The following TENM3 variants were observed in gnomAD, a reference collection of about 807,000 sequenced individuals.
TENM3 encodes teneurin-3.
In TENM3, 63 loss-of-function variants were observed where a neutral mutation model predicts 255.1. The observed-to-expected ratio is 0.25, with a 90% CI of 0.20 to 0.30. The LOEUF is 0.30. Ranked by LOEUF, TENM3 falls within the 10% of genes least tolerant of loss-of-function variation. TENM3 has a pLI of 1.00. For missense variants in TENM3, 2,929 were observed against 3,461.1 expected (o/e 0.85, Z 3.86); for synonymous variants, 1,306 against 1,322.3 (o/e 0.99, Z 0.27).
chr4:181,682,238 A>G, the TENM3 span, among the ~76,000 whole-genome samples: 6 of 152,178 alleles, frequency 3.9e-5, no homozygotes, highest in African/African-American at 1.4e-4. Context: ...TGTTTATATC[A>G]TCGAACGCAA....
the TENM3 span, among the ~76,000 whole-genome samples, chr4:181,675,580 C>T: frequency 6.6e-6 from 1 of 152,060 alleles, no homozygotes; most frequent in Admixed American, 6.6e-5. Context: ...CTCACTAGGC[C>T]AGGTACTATG....
the TENM3 span, among the ~76,000 whole-genome samples, chr4:181,770,588 T>A: frequency 7.0e-6 from 1 of 143,492 alleles, no homozygotes; most frequent in African/African-American, 2.6e-5. Flanking sequence ...GGTAGGAGAA[T>A]GGCATGAACC....
the TENM3 span, among the ~76,000 whole-genome samples, chr4:181,453,005 C>T: frequency 2.0e-5 from 3 of 152,072 alleles, no homozygotes; most frequent in Admixed American, 2.0e-4. Context: ...TGTGATTGCC[C>T]AGCACTACTG....
At chr4:181,934,104 T>TA in the TENM3 span, among the ~76,000 whole-genome samples, 1 of 151,550 alleles carries the variant, frequency 6.6e-6, no homozygotes, top group East Asian at 1.9e-4. Flanking sequence ...CACTTAAACA[T>TA]ACATAGGAAT....
At chr4:182,655,393 G>T (rs1753668714) in intron 6 of TENM3, among the ~76,000 whole-genome samples, 1 of 152,052 alleles carries the variant, frequency 6.6e-6, no homozygotes, top group African/African-American at 2.4e-5. Flanking sequence ...TGATTAAAAT[G>T]AAAATAGAGT....
At chr4:182,531,038 GA>G (rs1267832697) in intron 3 of TENM3, among the ~76,000 whole-genome samples, 4 of 152,144 alleles carry the variant, frequency 2.6e-5, no homozygotes, top group Non-Finnish European at 5.9e-5. Context: ...AGAGAGTGTA[GA>G]TGGAGGAGAA....
At chr4:182,635,732 A>G (rs35791677) in intron 5 of TENM3, among the ~76,000 whole-genome samples, 42,131 of 152,122 alleles carry the variant, frequency 0.28, 6,947 homozygotes, top group Non-Finnish European at 0.38. Flanking sequence ...GTTTAACAAC[A>G]TAAGCATTCC....
intron 3 of TENM3, among the ~76,000 whole-genome samples, chr4:182,565,670 T>C (rs2151992416): frequency 6.6e-6 from 1 of 152,326 alleles, no homozygotes; most frequent in South Asian, 2.1e-4. Context: ...GTATCCAGAT[T>C]TCTCTTTATT....
chr4:182,388,869 C>A (rs1277133146), intron 3 of TENM3, among the ~76,000 whole-genome samples: 3 of 152,146 alleles, frequency 2.0e-5, no homozygotes. Flanking sequence ...GTTGGCTCTG[C>A]AACAAGAGCA....
the TENM3 span, among the ~76,000 whole-genome samples, chr4:181,971,697 C>G: frequency 1.3e-5 from 2 of 151,908 alleles, no homozygotes; most frequent in Non-Finnish European, 2.9e-5. Context: ...CTCTCTAGTA[C>G]GTAGGACCAC....
chr4:181,584,392 G>A, the TENM3 span, among the ~76,000 whole-genome samples: 5 of 152,164 alleles, frequency 3.3e-5, no homozygotes, highest in Non-Finnish European at 5.9e-5. Flanking sequence ...TAACTGTCCA[G>A]AGTGGCCTCC....
the TENM3 span, among the ~76,000 whole-genome samples, chr4:181,844,261 T>G: frequency 6.6e-6 from 1 of 152,120 alleles, no homozygotes; most frequent in East Asian, 1.9e-4. Context: ...GTATGAACTT[T>G]GGGGGGACAC....
chr4:182,368,050 C>T (rs534354554), intron 3 of TENM3, among the ~76,000 whole-genome samples: 1 of 152,094 alleles, frequency 6.6e-6, no homozygotes, highest in East Asian at 1.9e-4. Flanking sequence ...AGAGTAAGAC[C>T]CTAGCGATTG....
At chr4:181,552,104 TA>T in the TENM3 span, among the ~76,000 whole-genome samples, 2 of 152,104 alleles carry the variant, frequency 1.3e-5, no homozygotes, top group African/African-American at 4.8e-5. Flanking sequence ...TACATACCTC[TA>T]AGAATAGAAA....
chr4:182,108,720 G>A, the TENM3 span, among the ~76,000 whole-genome samples: 2 of 152,126 alleles, frequency 1.3e-5, no homozygotes, highest in African/African-American at 4.8e-5. Flanking sequence ...AAAAAGCCAA[G>A]AGAACATGCA....
the TENM3 span, among the ~76,000 whole-genome samples, chr4:181,955,384 T>G: frequency 2.6e-5 from 4 of 152,134 alleles, no homozygotes. Context: ...TGCTCAAGCC[T>G]CCCTGAAGAA....
At chr4:182,147,137 T>G (rs1750024701) in intron 1 of TENM3, among the ~76,000 whole-genome samples, 1 of 152,236 alleles carries the variant, frequency 6.6e-6, no homozygotes, top group Non-Finnish European at 1.5e-5. Flanking sequence ...TTCTTAGCTT[T>G]GCTTCTGGGA....
the TENM3 span, among the ~76,000 whole-genome samples, chr4:181,764,629 C>T: frequency 6.6e-6 from 1 of 152,136 alleles, no homozygotes; most frequent in Non-Finnish European, 1.5e-5. Flanking sequence ...ATAGTGCTTT[C>T]GTATTTGTTT....
At chr4:182,533,460 G>A (rs1739968379) in intron 3 of TENM3, among the ~76,000 whole-genome samples, 2 of 150,294 alleles carry the variant, frequency 1.3e-5, no homozygotes, top group African/African-American at 4.9e-5. Flanking sequence ...GATCACTTGA[G>A]CCCAGGAAGT....
Sources: gnomAD v4.1 joint callset for allele counts (sites outside exome capture counted in the v4.1 genomes callset) on GRCh38, gnomAD v4.1.1 for gene constraint, MANE v1.5 for transcripts, NCBI Gene and HGNC (gene_info 2026-07-23, HGNC 2026-07-21) for gene names.